Variants in ZFHX3 observed in about 807,000 individuals in gnomAD.
ZFHX3 encodes the protein zinc finger homeobox 3.
In ZFHX3, 42 loss-of-function variants were observed where a neutral mutation model predicts 279.1. That is an observed-to-expected ratio of 0.15 (90% CI 0.12 to 0.19). The LOEUF (loss-of-function observed/expected upper bound fraction) is 0.19, where lower values mean the gene tolerates loss of function less well. Ranked by LOEUF, ZFHX3 falls within the 10% of genes least tolerant of loss-of-function variation. The pLI is 1.00. For synonymous variants in ZFHX3, 2,293 were observed against 1,957.8 expected, an observed-to-expected ratio of 1.17 and a Z score of -4.52; for missense variants, 4,981 against 4,754.0, an observed-to-expected ratio of 1.05 and a Z score of -1.40.
chr16:73,658,703 G>A (rs1216328660), intron 2 of ZFHX3, among the ~76,000 whole-genome samples: 1 of 152,118 alleles, frequency 6.6e-6, no homozygotes, highest in East Asian at 1.9e-4. Context: ...CAAGTCTTCT[G>A]TAATTTAAAA....
At chr16:73,093,430 G>T in exon 8 of ZFHX3, 1 of 481,014 alleles carries the variant, frequency 2.1e-6, no homozygotes, top group East Asian at 6.0e-5. Context: ...TCCGTTTGAG[G>T]GCCCCTTTCG....
chr16:73,566,866 T>G (rs936165904), intron 2 of ZFHX3, among the ~76,000 whole-genome samples: 3 of 152,002 alleles, frequency 2.0e-5, no homozygotes, highest in Non-Finnish European at 2.9e-5. Context: ...ACCCAGCTAA[T>G]TTTTGTATTT....
intron 1 of ZFHX3, among the ~76,000 whole-genome samples, chr16:73,710,358 C>A (rs2053347383): frequency 6.6e-6 from 1 of 152,166 alleles, no homozygotes; most frequent in Admixed American, 6.5e-5. Flanking sequence ...CACAGCCTCC[C>A]TCTTACCCAT....
chr16:73,880,452 G>T (rs1028014485), intron 1 of ZFHX3, among the ~76,000 whole-genome samples: 2 of 152,076 alleles, frequency 1.3e-5, no homozygotes, highest in African/African-American at 4.8e-5. Context: ...GACGTAATTT[G>T]CAACTTCAAT....
At chr16:73,131,895 G>A (rs1035464590) in intron 6 of ZFHX3, among the ~76,000 whole-genome samples, 4 of 152,126 alleles carry the variant, frequency 2.6e-5, no homozygotes, top group Admixed American at 2.6e-4. Flanking sequence ...CTGTTGTGAG[G>A]CTCACATGTT....
At chr16:72,824,852 A>T (rs2036894426) in intron 5 of ZFHX3, among the ~76,000 whole-genome samples, 1 of 152,258 alleles carries the variant, frequency 6.6e-6, no homozygotes, top group Admixed American at 6.5e-5. Flanking sequence ...CACACATTCA[A>T]ATCTATTCTG....
At chr16:73,443,752 C>T (rs1227771136) in intron 3 of ZFHX3, among the ~76,000 whole-genome samples, 1 of 151,924 alleles carries the variant, frequency 6.6e-6, no homozygotes, top group Admixed American at 6.6e-5. Context: ...TTAAGTTACT[C>T]CTTGGCTTTT....
intron 3 of ZFHX3, among the ~76,000 whole-genome samples, chr16:73,384,376 C>A (rs558265390): frequency 6.6e-6 from 1 of 152,328 alleles, no homozygotes; most frequent in East Asian, 1.9e-4. Context: ...CTCTAGGCAA[C>A]GTCCTGGATT....
At chr16:73,414,455 T>A (rs978833420) in intron 3 of ZFHX3, among the ~76,000 whole-genome samples, 1 of 152,234 alleles carries the variant, frequency 6.6e-6, no homozygotes, top group Non-Finnish European at 1.5e-5. Flanking sequence ...GTGGGACAAA[T>A]TGGCCACTCG....
chr16:73,168,519 G>A (rs776326957), intron 5 of ZFHX3, among the ~76,000 whole-genome samples: 8 of 152,104 alleles, frequency 5.3e-5, no homozygotes, highest in Non-Finnish European at 1.0e-4. Context: ...GCCTCCCGTA[G>A]TGCTGGGATT....
intron 1 of ZFHX3, among the ~76,000 whole-genome samples, chr16:73,767,378 T>C (rs1318052782): frequency 6.6e-6 from 1 of 152,182 alleles, no homozygotes; most frequent in Non-Finnish European, 1.5e-5. Context: ...TAAAATTATT[T>C]GGATTTGAGG....
intron 2 of ZFHX3, among the ~76,000 whole-genome samples, chr16:73,663,486 C>A (rs2052806038): frequency 6.6e-6 from 1 of 152,210 alleles, no homozygotes; most frequent in African/African-American, 2.4e-5. Context: ...ATTTTGCCAA[C>A]AACTTCCTGT....
chr16:73,725,114 C>A (rs1178436714), intron 1 of ZFHX3, among the ~76,000 whole-genome samples: 2 of 152,216 alleles, frequency 1.3e-5, no homozygotes, highest in Non-Finnish European at 1.5e-5. Context: ...AACTTTTTAA[C>A]CGGCGTATAT....
intron 1 of ZFHX3, among the ~76,000 whole-genome samples, chr16:73,719,982 C>T (rs2053458672): frequency 6.6e-6 from 1 of 152,176 alleles, no homozygotes; most frequent in Non-Finnish European, 1.5e-5. Context: ...TTGTTACCTA[C>T]AAGCCATGTA....
At chr16:72,898,932 T>C (rs1298877248) in intron 3 of ZFHX3, among the ~76,000 whole-genome samples, 2 of 151,896 alleles carry the variant, frequency 1.3e-5, no homozygotes, top group East Asian at 3.9e-4. Flanking sequence ...TGAGTGAGTG[T>C]GCACAGAGCT....
intron 1 of ZFHX3, among the ~76,000 whole-genome samples, chr16:73,798,600 C>G (rs1471320644): frequency 6.8e-6 from 1 of 147,184 alleles, no homozygotes; most frequent in Non-Finnish European, 1.5e-5. Flanking sequence ...CACACACACA[C>G]AGGCACACAT....
intron 1 of ZFHX3, among the ~76,000 whole-genome samples, chr16:73,890,782 T>C (rs1179874256): frequency 6.6e-6 from 1 of 151,958 alleles, no homozygotes; most frequent in East Asian, 1.9e-4. Flanking sequence ...ATGGACCAAA[T>C]AATCACGTGC....
intron 3 of ZFHX3, among the ~76,000 whole-genome samples, chr16:73,412,733 G>C (rs1319628633): frequency 6.6e-6 from 1 of 152,212 alleles, no homozygotes; most frequent in Non-Finnish European, 1.5e-5. Flanking sequence ...GCGTGATACT[G>C]TTTCTGGGGG....
intron 5 of ZFHX3, among the ~76,000 whole-genome samples, chr16:73,187,485 C>A (rs181518012): frequency 6.6e-6 from 1 of 152,030 alleles, no homozygotes; most frequent in Non-Finnish European, 1.5e-5. Context: ...ACTGCAATGC[C>A]GAGATGAGAT....
Sources: gnomAD v4.1 joint callset for allele counts (sites outside exome capture counted in the v4.1 genomes callset) on GRCh38, gnomAD v4.1.1 for gene constraint, MANE v1.5 for transcripts, NCBI Gene and HGNC (gene_info 2026-07-23, HGNC 2026-07-21) for gene names.